The following PDE3A variants were observed in gnomAD, a reference collection of about 807,000 sequenced individuals.
PDE3A encodes the protein phosphodiesterase 3A, also known as cGMP-inhibited 3',5'-cyclic phosphodiesterase 3A.
PDE3A carries 43 observed loss-of-function variants against 98.3 expected under a neutral mutation model. The observed-to-expected ratio is 0.44, with a 90% CI of 0.34 to 0.56. The LOEUF (loss-of-function observed/expected upper bound fraction) is 0.56, where lower values mean the gene tolerates loss of function less well. PDE3A is among the 20% of genes least tolerant of loss of function. The pLI, the probability that PDE3A is intolerant of heterozygous loss-of-function variation, is 0.01. For missense variants in PDE3A, 1,427 were observed against 1,440.7 expected (o/e 0.99, Z 0.15); for synonymous variants, 663 against 567.9 (o/e 1.17, Z -2.38).
intron 15 of PDE3A, among the ~76,000 whole-genome samples, chr12:20,655,988 G>T (rs2121520776): frequency 6.6e-6 from 1 of 152,236 alleles, no homozygotes; most frequent in South Asian, 2.1e-4. Flanking sequence ...AATTGACTAT[G>T]AAATCATTTT....
chr12:20,617,069 A>T (rs1171409140), intron 4 of PDE3A, among the ~76,000 whole-genome samples: 1 of 152,202 alleles, frequency 6.6e-6, no homozygotes, highest in Non-Finnish European at 1.5e-5. Flanking sequence ...ACTTTATTCA[A>T]ATTCATTAAT....
rs1226054840 is a variant in PDE3A, at chr12:20,686,241, A to T, written c.*5970A>T. Reference sequence around the variant, plus strand: ...AGTGTCAATAATTTAACTTTGTACAAATTATAGTCTGAGATCTTCTGAGTT... The same window carrying T: ...AGTGTCAATAATTTAACTTTGTACATATTATAGTCTGAGATCTTCTGAGTT... On this transcript the variant is annotated 3_prime_UTR_variant, in exon 16 of 16. Transcript: ENST00000359062. Among the ~76,000 whole-genome samples the T allele has an allele frequency of 6.6e-6, 1 of 152,180 alleles. No individual in the cohort carries two copies. The highest frequency in any genetic ancestry group is 1.5e-5 in the Non-Finnish European group (1 of 68,008).
At chr12:20,586,329 C>G (rs1943197412) in intron 2 of PDE3A, among the ~76,000 whole-genome samples, 1 of 152,178 alleles carries the variant, frequency 6.6e-6, no homozygotes, top group East Asian at 1.9e-4. Context: ...AATTATACAG[C>G]ACTCTTATTA....
At chr12:20,510,910 C>T (rs1946210044) in intron 1 of PDE3A, among the ~76,000 whole-genome samples, 2 of 151,994 alleles carry the variant, frequency 1.3e-5, no homozygotes, top group South Asian at 4.1e-4. Context: ...TTGAATGTTT[C>T]CATGTGCCAT....
At position 20,373,106 on chromosome 12, in the gene PDE3A, C is replaced by G. The variant is rs150308658; in HGVS notation, c.960+2862C>G. Among the ~76,000 whole-genome samples, 552 of 152,096 alleles carry G rather than the reference C, an allele frequency of 3.6e-3. 2 individuals are homozygous for G. Among genetic ancestry groups the G allele is most frequent in the Non-Finnish European group, 6.4e-3 (437 of 67,974 alleles). ...TGTCTGTGAATGCAAGTGGAAATAT[C>G]TTTATTCTCAGGAAAAAACAAAGTT... On this transcript the variant is annotated intron_variant, in intron 1 of 15. Coordinates refer to ENST00000359062, the MANE Select transcript of PDE3A (RefSeq NM_000921.5).
intron 12 of PDE3A, among the ~76,000 whole-genome samples, chr12:20,647,777 C>T (rs1352698207): frequency 6.6e-6 from 1 of 151,758 alleles, no homozygotes; most frequent in East Asian, 1.9e-4. Flanking sequence ...ATAATTTTTT[C>T]TTGACTATCT....
chr12:20,551,868 C>T, intron 1 of PDE3A: 2 of 1,613,736 alleles, frequency 1.2e-6, no homozygotes, highest in Non-Finnish European at 1.7e-6. Flanking sequence ...GTACCATCAT[C>T]CCGTCCAACC....
intron 9 of PDE3A, among the ~76,000 whole-genome samples, chr12:20,638,858 T>G (rs568334537): frequency 6.7e-6 from 1 of 149,432 alleles, no homozygotes; most frequent in African/African-American, 2.5e-5. Flanking sequence ...TTAGTGCAGG[T>G]TTTTTTTTTA....
intron 4 of PDE3A, among the ~76,000 whole-genome samples, chr12:20,617,442 TG>T (rs1438531732): frequency 1.4e-4 from 21 of 152,264 alleles, no homozygotes; most frequent in Non-Finnish European, 7.4e-5. Flanking sequence ...CCTGGACTTT[TG>T]TAAAACTTGT....
intron 15 of PDE3A, among the ~76,000 whole-genome samples, chr12:20,671,544 T>C (rs1199986180): frequency 6.6e-6 from 1 of 150,768 alleles, no homozygotes; most frequent in Non-Finnish European, 1.5e-5. Flanking sequence ...GCTGGTTCAA[T>C]ATACGCAAAT....
intron 5 of PDE3A, among the ~76,000 whole-genome samples, chr12:20,625,998 T>C (rs1418764839): frequency 2.0e-5 from 3 of 152,140 alleles, no homozygotes; most frequent in Non-Finnish European, 2.9e-5. Context: ...AGAGAATGCA[T>C]GTTTATCGGA....
chr12:20,481,660 C>T (rs1945627792), intron 1 of PDE3A, among the ~76,000 whole-genome samples: 1 of 151,564 alleles, frequency 6.6e-6, no homozygotes, highest in Admixed American at 6.6e-5. Flanking sequence ...TGACATGAAT[C>T]CCATTTATTG....
intron 1 of PDE3A, among the ~76,000 whole-genome samples, chr12:20,519,690 A>G (rs1038448813): frequency 8.5e-5 from 13 of 152,354 alleles, no homozygotes; most frequent in South Asian, 2.1e-4. Context: ...GCACTAATGA[A>G]CATATGTGCA....
intron 1 of PDE3A, among the ~76,000 whole-genome samples, chr12:20,510,663 G>T (rs1434632957): frequency 6.6e-6 from 1 of 152,032 alleles, no homozygotes; most frequent in Admixed American, 6.6e-5. Context: ...AGATGGATCT[G>T]TCAACATGGG....
chr12:20,678,113 G>C (rs1188511496), intron 15 of PDE3A, among the ~76,000 whole-genome samples: 3 of 152,134 alleles, frequency 2.0e-5, no homozygotes, highest in Non-Finnish European at 2.9e-5. Flanking sequence ...GCAGCTCTCT[G>C]TATCAGTTTC....
At chr12:20,432,480 A>T (rs1280710915) in intron 1 of PDE3A, among the ~76,000 whole-genome samples, 1 of 152,118 alleles carries the variant, frequency 6.6e-6, no homozygotes, top group East Asian at 1.9e-4. Context: ...GGTGGGAGGA[A>T]ACTTCTGGAG....
chr12:20,680,179 T>A lies in PDE3A; in HGVS notation c.3334T>A (p.Ser1112Thr), dbSNP rs986975089. ...QSLDQTPQSH[S>T]SEQIQAIKEE... is the part of the protein sequence containing the mutation. ...CCTGGACCAGACCCCTCAGTCGCAC[T>A]CTTCAGAACAGATCCAGGCTATCAA... Residue 1112 changes from serine to threonine, a missense_variant, in exon 16 of 16, where the codon TCT becomes ACT. Physicochemically the swap from Ser to Thr is moderately conservative, Grantham distance 58 (BLOSUM62 1). This residue lies in a region of PDE3A where 142 missense variants were observed against 133.9 expected (regional missense o/e 1.06). Coordinates refer to ENST00000359062, the MANE Select transcript of PDE3A (RefSeq NM_000921.5). 13 of 1,613,822 alleles carry A rather than the reference T, an allele frequency of 8.1e-6. No individual in the cohort carries two copies. The highest frequency in any genetic ancestry group is 1.1e-5 in the Non-Finnish European group (13 of 1,179,832).
rs561951920 is a variant in PDE3A at position 20,646,564 on chromosome 12, T to C, written c.2326T>C (p.Ser776Pro). 2.1e-4 allele frequency: 341 copies of C among 1,607,578 alleles called. 2 individuals carry two copies. The South Asian group carries it at 3.5e-3, about 16-fold the overall frequency. ...YLTTQPIPGLSTVINDHGSTS... is the reference protein window; with the variant it reads ...YLTTQPIPGLPTVINDHGSTS... ...TACTACACAGCCTATTCCAGGCCTCTCAACTGTGATTAATGATCATGGTTC... is the reference window on the plus strand; with the variant it reads ...TACTACACAGCCTATTCCAGGCCTCCCAACTGTGATTAATGATCATGGTTC... The change falls in exon 11 of 16, where the codon TCA (serine) becomes CCA (proline). Residue 776 changes from serine (S) to proline (P), a missense_variant. This residue lies in a region of PDE3A where 273 missense variants were observed against 420.3 expected (regional missense o/e 0.65). Coordinates refer to ENST00000359062, the MANE Select transcript of PDE3A (RefSeq NM_000921.5).
chr12:20,638,031 A>G (rs1052536575), intron 9 of PDE3A, among the ~76,000 whole-genome samples: 9 of 152,150 alleles, frequency 5.9e-5, no homozygotes, highest in African/African-American at 2.2e-4. Flanking sequence ...CACAGCAGAG[A>G]TAGTAAAGAC....
Sources: gnomAD v4.1 joint callset for allele counts (sites outside exome capture counted in the v4.1 genomes callset) on GRCh38, gnomAD v4.1.1 for gene constraint, gnomAD v4.1.1 regional missense constraint, MANE v1.5 for transcripts, NCBI Gene and HGNC (gene_info 2026-07-23, HGNC 2026-07-21) for gene names.